The following RNF169 variants were observed in gnomAD, a reference collection of about 807,000 sequenced individuals.
RNF169 encodes ring finger protein 169, also known as E3 ubiquitin-protein ligase RNF169.
In RNF169, 24 loss-of-function variants were observed where a neutral mutation model predicts 53.9. The observed-to-expected ratio is 0.45, with a 90% CI of 0.32 to 0.63. The LOEUF (loss-of-function observed/expected upper bound fraction) is 0.63. Among genes scored for constraint, RNF169 ranks in the 20% least tolerant of loss-of-function variants. The pLI, the probability that RNF169 is intolerant of heterozygous loss-of-function variation, is 0.04. For synonymous variants in RNF169, 396 were observed against 363.5 expected (o/e 1.09, Z -1.02); for missense variants, 883 against 906.2 (o/e 0.97, Z 0.33).
intron 1 of RNF169, among the ~76,000 whole-genome samples, chr11:74,785,553 C>T (rs919470266): frequency 6.6e-6 from 1 of 151,714 alleles, no homozygotes; most frequent in Non-Finnish European, 1.5e-5. Flanking sequence ...AATTCACAAC[C>T]TTTTATGCTT....
intron 3 of RNF169, among the ~76,000 whole-genome samples, chr11:74,810,610 T>A (rs1185526342): frequency 6.6e-6 from 1 of 152,256 alleles, no homozygotes; most frequent in Non-Finnish European, 1.5e-5. Flanking sequence ...TAGATTTATA[T>A]GTATGTTGTT....
At chr11:74,786,715 T>TTA (rs1412402381) in intron 1 of RNF169, among the ~76,000 whole-genome samples, 1 of 152,238 alleles carries the variant, frequency 6.6e-6, no homozygotes, top group Non-Finnish European at 1.5e-5. Flanking sequence ...CAAAGTGTTT[T>TTA]TACTCATATT....
chr11:74,807,509 C>T (rs569584205), intron 2 of RNF169, among the ~76,000 whole-genome samples: 29 of 152,248 alleles, frequency 1.9e-4, no homozygotes, highest in African/African-American at 7.0e-4. Context: ...TAGAGCCTGG[C>T]ATGTCAGTTG....
intron 3 of RNF169, among the ~76,000 whole-genome samples, chr11:74,814,677 C>T (rs2035920216): frequency 6.6e-6 from 1 of 152,052 alleles, no homozygotes; most frequent in Non-Finnish European, 1.5e-5. Context: ...AGGTGTGAGC[C>T]ACCATGCCCG....
chr11:74,807,935 TTTAA>T (rs2035827430), intron 2 of RNF169: 1 of 152,338 alleles, frequency 6.6e-6, no homozygotes, highest in Non-Finnish European at 1.5e-5. Context: ...CATTTGAATA[TTTAA>T]ATGGATACAT....
chr11:74,763,235 C>CT (rs779758549), intron 1 of RNF169, among the ~76,000 whole-genome samples: 3 of 152,144 alleles, frequency 2.0e-5, no homozygotes, highest in East Asian at 1.9e-4. Flanking sequence ...GGAAAAGACT[C>CT]TGAGAGGTAC....
Position 74,831,434 on chromosome 11 carries a change from C to T in RNF169, c.843-3242C>T, listed in dbSNP as rs147165927. On this transcript the variant is annotated intron_variant, in intron 4 of 5. Coordinates refer to ENST00000299563, the MANE Select transcript of RNF169 (RefSeq NM_001098638.2). ...TAGAATACTTATGAATAAATTTAAC[C>T]GCAGTAGTGCAAGACTTGTATGCTG... is the stretch of plus-strand genomic sequence containing the variant. The T allele has an allele frequency of 1.8e-4, 28 of 152,146 alleles. No individual in the cohort carries two copies. In the East Asian group the frequency reaches 5.0e-3, roughly 27 times the overall value. The allele number at this position is 152,146 out of a possible 1,614,324, so 9.4% of individuals were successfully genotyped here.
intron 1 of RNF169, among the ~76,000 whole-genome samples, chr11:74,781,717 A>G (rs2035419076): frequency 6.6e-6 from 1 of 152,086 alleles, no homozygotes; most frequent in African/African-American, 2.4e-5. Flanking sequence ...CCATTGTTGT[A>G]TGGGGTTGTT....
chr11:74,766,577 T>C (rs970531320), intron 1 of RNF169, among the ~76,000 whole-genome samples: 1 of 152,198 alleles, frequency 6.6e-6, no homozygotes, highest in Admixed American at 6.5e-5. Flanking sequence ...ATAGCTAAGA[T>C]GATATGATGC....
chr11:74,817,067 T>C (rs1257714977), intron 3 of RNF169, among the ~76,000 whole-genome samples: 3 of 152,220 alleles, frequency 2.0e-5, no homozygotes, highest in Non-Finnish European at 4.4e-5. Context: ...GAGTTAGATC[T>C]GAGAGACTTT....
At chr11:74,768,539 G>A (rs1044374420) in intron 1 of RNF169, among the ~76,000 whole-genome samples, 20 of 151,942 alleles carry the variant, frequency 1.3e-4, no homozygotes, top group African/African-American at 4.3e-4. Flanking sequence ...CCTGGGAAGC[G>A]GTGGCTGTAG....
intron 1 of RNF169, among the ~76,000 whole-genome samples, chr11:74,781,272 G>A (rs548420159): frequency 6.6e-6 from 1 of 152,324 alleles, no homozygotes; most frequent in South Asian, 2.1e-4. Flanking sequence ...GAAGTGATCT[G>A]CCCCCTCATT....
intron 2 of RNF169, among the ~76,000 whole-genome samples, chr11:74,796,945 T>C (rs1305799876): frequency 1.3e-5 from 2 of 152,246 alleles, no homozygotes; most frequent in Non-Finnish European, 1.5e-5. Context: ...CTGAAACTCT[T>C]GGCCTCAAGT....
At chr11:74,789,775 T>C (rs1201234341) in intron 2 of RNF169, 76 bp downstream of exon 2, 1 of 957,892 alleles carries the variant, frequency 1.0e-6, no homozygotes, top group Non-Finnish European at 1.6e-6. Context: ...AGTGGGAGTT[T>C]TGACCAGGTT....
chr11:74,830,926 G>A (rs1222274839), intron 4 of RNF169: 1 of 152,010 alleles, frequency 6.6e-6, no homozygotes, highest in Non-Finnish European at 1.5e-5. Context: ...AAGCTCAGTA[G>A]ACACGCACAA....
intron 2 of RNF169, among the ~76,000 whole-genome samples, chr11:74,791,147 C>T (rs924737871): frequency 3.5e-4 from 53 of 152,288 alleles, no homozygotes; most frequent in African/African-American, 1.3e-3. Flanking sequence ...GACATCTACT[C>T]AGCTCTCAGC....
At position 74,841,464 on chromosome 11, in the gene RNF169, G is replaced by C. The variant is rs537897361; in HGVS notation, c.*4734G>C. 1 of 152,196 alleles carries C rather than the reference G, an allele frequency of 6.6e-6. No homozygotes were observed. Among genetic ancestry groups the C allele is most frequent in the Admixed American group, 6.5e-5 (1 of 15,284 alleles). The allele number at this position is 152,196 out of a possible 1,614,324, so 9.4% of individuals were successfully genotyped here. A position where few individuals can be genotyped will look rare whatever the true frequency, so the allele number is the denominator to read the frequency against. ...GCAAGGGTCACCAGTTTAGAGATCA[G>C]TCAAATTGGAAAAAGTGCCAAGACT... On this transcript the variant is annotated 3_prime_UTR_variant, in exon 6 of 6. Coordinates refer to ENST00000299563, the MANE Select transcript of RNF169 (RefSeq NM_001098638.2).
chr11:74,807,298 T>C (rs1055781296), intron 2 of RNF169, among the ~76,000 whole-genome samples: 12 of 152,194 alleles, frequency 7.9e-5, no homozygotes, highest in African/African-American at 2.7e-4. Context: ...AATAGATACA[T>C]GCTTCCTTTT....
At chr11:74,825,809 G>A (rs566124015) in intron 4 of RNF169, among the ~76,000 whole-genome samples, 34 of 152,306 alleles carry the variant, frequency 2.2e-4, no homozygotes, top group Non-Finnish European at 4.1e-4. Context: ...TCATGACCAA[G>A]TAGGCTCCAT....
Sources: gnomAD v4.1 joint callset for allele counts (sites outside exome capture counted in the v4.1 genomes callset) on GRCh38, gnomAD v4.1.1 for gene constraint, MANE v1.5 for transcripts, NCBI Gene and HGNC (gene_info 2026-07-23, HGNC 2026-07-21) for gene names.